The following ASTN1 variants were observed in gnomAD, a reference collection of about 807,000 sequenced individuals.
ASTN1 encodes astrotactin 1.
A neutral mutation model predicts 140.7 loss-of-function variants in ASTN1; 41 were observed. The ratio of observed to expected loss-of-function variants is 0.29; its 90% CI spans 0.23 to 0.38. The LOEUF is 0.38. Ranked by LOEUF, ASTN1 falls within the 10% of genes least tolerant of loss-of-function variation. ASTN1 has a pLI of 1.00. For missense variants in ASTN1, 1,479 were observed against 1,678.8 expected (o/e 0.88, Z 2.08); for synonymous variants, 640 against 652.2 (o/e 0.98, Z 0.29).
Position 176,876,618 on chromosome 1 carries a change from C to T in ASTN1, c.3382G>A (p.Asp1128Asn). The T allele has an allele frequency of 6.2e-7, 1 of 1,614,100 alleles. No homozygotes were observed. The highest frequency in any genetic ancestry group is 8.5e-7 in the Non-Finnish European group (1 of 1,180,002). Residue 1128 changes from aspartate (D) to asparagine (N), a missense_variant, in exon 21 of 23, where the codon GAC (aspartate) becomes AAC (asparagine). By Grantham distance (23) the Asp-to-Asn change is conservative (BLOSUM62 1). This residue lies in a region of ASTN1 where 746 missense variants were observed against 800.9 expected (regional missense o/e 0.93). Transcript: ENST00000361833. ...TIYMFTLWGV[D>N]NTGRRSRPSD... is the part of the protein sequence containing the mutation. ...GGCCTGGAGCGCCGTCCTGTGTTGT[C>T]CACTCCCCACAGCGTGAACCTGGCA...
chr1:176,943,738 A>T (rs1671835597), intron 14 of ASTN1, among the ~76,000 whole-genome samples, 153 bp downstream of exon 14: 1 of 152,244 alleles, frequency 6.6e-6, no homozygotes, highest in African/African-American at 2.4e-5. Context: ...AAATAATCCT[A>T]CTAGCATTCA....
At chr1:176,910,796 G>C (rs1341049272) in intron 16 of ASTN1, among the ~76,000 whole-genome samples, 2 of 152,212 alleles carry the variant, frequency 1.3e-5, no homozygotes, top group East Asian at 1.9e-4. Flanking sequence ...GTGGGTGAGA[G>C]AGCATGAACA....
At chr1:176,865,484 G>A (rs540558510) in intron 22 of ASTN1, among the ~76,000 whole-genome samples, 13 of 152,298 alleles carry the variant, frequency 8.5e-5, no homozygotes, top group African/African-American at 2.9e-4. Flanking sequence ...AAGAGTAAAA[G>A]ATCAGGATCC....
rs796504590 is a variant in ASTN1, at chr1:177,142,906, G to T, written c.283+21488C>A. Among the ~76,000 whole-genome samples, 541 of 141,468 alleles carry T rather than the reference G, an allele frequency of 3.8e-3. 9 individuals carry two copies. The highest frequency in any genetic ancestry group is 0.016 in the African/African-American group (512 of 32,330). The allele number at this position is 141,468 out of a possible 152,430, so 92.8% of individuals were successfully genotyped here. A position where few individuals can be genotyped will look rare whatever the true frequency, so the allele number is the denominator to read the frequency against. ...GGAGCAAGGAGGAAAAAAAAAAAGG[G>T]GGGGAGGGGTGCTGAGTTTCAAGAG... is the stretch of plus-strand genomic sequence containing the variant. On this transcript the variant is annotated intron_variant, in intron 1 of 22. Coordinates refer to ENST00000361833, the MANE Select transcript of ASTN1 (RefSeq NM_004319.3).
intron 2 of ASTN1, among the ~76,000 whole-genome samples, chr1:177,041,993 T>C (rs536096757): frequency 2.6e-5 from 4 of 152,348 alleles, no homozygotes; most frequent in African/African-American, 9.6e-5. Flanking sequence ...GTAAACAGCC[T>C]ATAACATAGT....
chr1:176,876,385 A>G, intron 21 of ASTN1, 152 bp downstream of exon 21: 1 of 727,196 alleles, frequency 1.4e-6, no homozygotes, highest in South Asian at 1.9e-5. Flanking sequence ...TATTTCTGGA[A>G]AGGCAACGCT....
chr1:176,862,827 A>G lies in ASTN1; in HGVS notation c.*1457T>C. 1 of 985,376 alleles carries G rather than the reference A, an allele frequency of 1.0e-6. No individual in the cohort carries two copies. The highest frequency in any genetic ancestry group is 1.2e-6 in the Non-Finnish European group (1 of 829,876). The allele number at this position is 985,376 out of a possible 1,614,324, so 61.0% of individuals were successfully genotyped here. On this transcript the variant is annotated 3_prime_UTR_variant, in exon 23 of 23. Transcript: ENST00000361833. ...TCAATAAATGTTATCTGTCACTACT[A>G]CTATTTAGAAAAAAAACCAATATAG...
chr1:177,135,646 C>G (rs937197779), intron 1 of ASTN1, among the ~76,000 whole-genome samples: 1 of 152,184 alleles, frequency 6.6e-6, no homozygotes, highest in Non-Finnish European at 1.5e-5. Context: ...GGGGACAGGG[C>G]TGGGCTTGGA....
chr1:177,002,549 T>G (rs1378563647), intron 8 of ASTN1, among the ~76,000 whole-genome samples: 1 of 152,232 alleles, frequency 6.6e-6, no homozygotes, highest in African/African-American at 2.4e-5. Flanking sequence ...TTCTTCTTTT[T>G]GCTGTTTTGT....
At chr1:177,099,330 T>C (rs1040687665) in intron 1 of ASTN1, among the ~76,000 whole-genome samples, 1 of 152,162 alleles carries the variant, frequency 6.6e-6, no homozygotes, top group African/African-American at 2.4e-5. Flanking sequence ...TCCTCGCTTA[T>C]ATTTTATGAT....
At chr1:176,999,931 C>T (rs72718701) in intron 8 of ASTN1, among the ~76,000 whole-genome samples, 1 of 152,224 alleles carries the variant, frequency 6.6e-6, no homozygotes, top group Non-Finnish European at 1.5e-5. Context: ...TCAATTAAAC[C>T]TCTTTTTGTA....
intron 16 of ASTN1, among the ~76,000 whole-genome samples, chr1:176,931,558 C>A (rs974400509): frequency 6.6e-6 from 1 of 152,192 alleles, no homozygotes; most frequent in African/African-American, 2.4e-5. Context: ...GTTGGTATGG[C>A]AAACCACATA....
intron 16 of ASTN1, among the ~76,000 whole-genome samples, chr1:176,918,889 C>T (rs1670609386): frequency 6.6e-6 from 1 of 152,152 alleles, no homozygotes; most frequent in East Asian, 1.9e-4. Flanking sequence ...CCTCACTTGT[C>T]CTGCCCCAAC....
At chr1:176,979,471 C>T (rs966423220) in intron 8 of ASTN1, among the ~76,000 whole-genome samples, 4 of 152,160 alleles carry the variant, frequency 2.6e-5, no homozygotes, top group South Asian at 2.1e-4. Flanking sequence ...AGAGAGGCCC[C>T]GGTTCCCCCA....
At chr1:176,921,328 C>T (rs529369452) in intron 16 of ASTN1, among the ~76,000 whole-genome samples, 8 of 152,170 alleles carry the variant, frequency 5.3e-5, no homozygotes, top group East Asian at 1.9e-4. Context: ...AAACTAGAAA[C>T]GGAAAGAAAA....
intron 14 of ASTN1, among the ~76,000 whole-genome samples, chr1:176,937,419 G>A (rs1671495922): frequency 6.6e-6 from 1 of 152,176 alleles, no homozygotes; most frequent in African/African-American, 2.4e-5. Flanking sequence ...GCTCTGAGAA[G>A]TTAAGTTAGT....
intron 1 of ASTN1, among the ~76,000 whole-genome samples, chr1:177,073,923 A>G (rs1678767970): frequency 6.6e-6 from 1 of 152,050 alleles, no homozygotes; most frequent in Admixed American, 6.6e-5. Context: ...ATTATCATTA[A>G]AGATTAGTGA....
In ASTN1 at chr1:176,876,572, G is replaced by T; in HGVS notation, c.3428C>A (p.Thr1143Asn). The part of the protein sequence containing the change: ...RSRPSDVIVK[T>N]PCPVVDDVKA... The stretch of plus-strand genomic sequence containing the variant: ...GACATCATCCACCACGGGGCATGGG[G>T]TCTTCACGATCACGTCGCTTGGCCT... Residue 1143 changes from threonine to asparagine, a missense_variant, in exon 21 of 23, where the codon ACC becomes AAC. Physicochemically the swap from Thr to Asn is moderately conservative, Grantham distance 65. This residue lies in a region of ASTN1 where 746 missense variants were observed against 800.9 expected (regional missense o/e 0.93). Coordinates refer to ENST00000361833, the MANE Select transcript of ASTN1 (RefSeq NM_004319.3). 2 of 1,614,176 alleles carry T rather than the reference G, an allele frequency of 1.2e-6. No homozygotes were observed. Among genetic ancestry groups the T allele is most frequent in the Non-Finnish European group, 1.7e-6 (2 of 1,180,026 alleles).
chr1:177,061,599 C>T (rs980291294), intron 1 of ASTN1, among the ~76,000 whole-genome samples: 1 of 152,120 alleles, frequency 6.6e-6, no homozygotes, highest in Non-Finnish European at 1.5e-5. Flanking sequence ...TGATACCTCC[C>T]GAGGTAAATA....
Sources: allele counts gnomAD v4.1 joint callset (sites outside exome capture counted in the v4.1 genomes callset), GRCh38; gene constraint gnomAD v4.1.1; regional missense constraint gnomAD v4.1.1; transcripts MANE v1.5; gene names NCBI Gene and HGNC (gene_info 2026-07-23, HGNC 2026-07-21).